Variants in IL7 observed in about 807,000 individuals in gnomAD.
IL7 encodes the protein interleukin 7.
In IL7, 3 loss-of-function variants were observed where a neutral mutation model predicts 21.6. That is an observed-to-expected ratio of 0.14 (90% CI 0.06 to 0.36). The LOEUF (loss-of-function observed/expected upper bound fraction) is 0.36. Ranked by LOEUF, IL7 falls within the 10% of genes least tolerant of loss-of-function variation. IL7 has a pLI of 1.00. For missense variants in IL7, 175 were observed against 200.2 expected (o/e 0.87, Z 0.76); for synonymous variants, 62 against 68.1 (o/e 0.91, Z 0.44).
chr8:78,698,477 C>T (rs779614896), intron 3 of IL7: 3 of 1,612,790 alleles, frequency 1.9e-6, no homozygotes, highest in Non-Finnish European at 1.7e-6. Context: ...CAGACCTTAT[C>T]TCCCTCTCAT....
chr8:78,677,300 A>G (rs1323006932), intron 4 of IL7, among the ~76,000 whole-genome samples: 1 of 152,096 alleles, frequency 6.6e-6, no homozygotes, highest in Non-Finnish European at 1.5e-5. Context: ...GACAGCTTCC[A>G]TTCTAATGTC....
rs1811482429 is a variant in IL7 at position 78,733,651 on chromosome 8, G to A, written c.*62C>T. ...CATTCCACTCTGAAAAACTGCATAAGCAGATAGATTCTTGGAGGATGCAGC... is the reference window on the plus strand; with the variant it reads ...CATTCCACTCTGAAAAACTGCATAAACAGATAGATTCTTGGAGGATGCAGC... On this transcript the variant is annotated 3_prime_UTR_variant, in exon 6 of 6. Coordinates refer to ENST00000263851, the MANE Select transcript of IL7 (RefSeq NM_000880.4). The A allele has an allele frequency of 1.9e-6, 3 of 1,547,600 alleles. No individual in the cohort carries two copies. Among genetic ancestry groups the A allele is most frequent in the South Asian group, 2.4e-5 (2 of 82,718 alleles).
intron 5 of IL7, chr8:78,719,201 TA>T (rs1422320618): frequency 6.7e-6 from 1 of 149,732 alleles, no homozygotes; most frequent in African/African-American, 2.4e-5. Context: ...AAACTTGTTT[TA>T]TCTAATACTG....
chr8:78,723,327 GA>G (rs1811282665), intron 3 of IL7, among the ~76,000 whole-genome samples: 1 of 151,832 alleles, frequency 6.6e-6, no homozygotes, highest in African/African-American at 2.4e-5. Context: ...TAGGGATATA[GA>G]AATAAATCAG....
chr8:78,766,790 T>A (rs1391227196), intron 2 of IL7, among the ~76,000 whole-genome samples: 1 of 152,182 alleles, frequency 6.6e-6, no homozygotes, highest in Admixed American at 6.5e-5. Context: ...ATGTGTTTGT[T>A]ATCTCATTTT....
chr8:78,678,463 T>G (rs987792427), intron 4 of IL7: 1 of 816,460 alleles, frequency 1.2e-6, no homozygotes, highest in Non-Finnish European at 1.9e-6. Context: ...GTTTTTCATT[T>G]GGTCTCAGAT....
chr8:78,688,856 T>C (rs564508167), intron 3 of IL7, among the ~76,000 whole-genome samples: 1 of 152,230 alleles, frequency 6.6e-6, no homozygotes, highest in African/African-American at 2.4e-5. Context: ...GTATTATTAC[T>C]TCCTAACTAG....
At chr8:78,740,832 C>T (rs892907125) in intron 2 of IL7, among the ~76,000 whole-genome samples, 8 of 151,798 alleles carry the variant, frequency 5.3e-5, no homozygotes, top group African/African-American at 1.7e-4. Context: ...GTATTATAAA[C>T]ATAGGAGTGA....
chr8:78,791,346 G>T (rs1354303330), intron 2 of IL7, among the ~76,000 whole-genome samples: 1 of 152,070 alleles, frequency 6.6e-6, no homozygotes, highest in Non-Finnish European at 1.5e-5. Flanking sequence ...GACAATTACA[G>T]AGTTATACTT....
chr8:78,705,215 CA>C (rs1366839924), intron 3 of IL7, among the ~76,000 whole-genome samples: 1 of 152,208 alleles, frequency 6.6e-6, no homozygotes, highest in African/African-American at 2.4e-5. Context: ...TTTAAGTTTT[CA>C]GCATACTTGT....
intron 4 of IL7, among the ~76,000 whole-genome samples, chr8:78,684,510 T>G (rs1585990754): frequency 6.6e-6 from 1 of 152,310 alleles, no homozygotes; most frequent in African/African-American, 2.4e-5. Context: ...GGAGCTACAA[T>G]TCAAGATGAG....
chr8:78,749,252 C>A (rs940436127), intron 2 of IL7, among the ~76,000 whole-genome samples: 1 of 152,084 alleles, frequency 6.6e-6, no homozygotes, highest in African/African-American at 2.4e-5. Context: ...CTAAGTTATA[C>A]TTAGCATTTA....
chr8:78,712,379 T>C (rs1487439681), intron 3 of IL7, among the ~76,000 whole-genome samples: 2 of 152,156 alleles, frequency 1.3e-5, no homozygotes, highest in Non-Finnish European at 2.9e-5. Flanking sequence ...TTAATAATTA[T>C]TTTTATGAAG....
chr8:78,750,483 C>T (rs1213155472), intron 2 of IL7, among the ~76,000 whole-genome samples: 4 of 152,012 alleles, frequency 2.6e-5, no homozygotes, highest in African/African-American at 9.7e-5. Flanking sequence ...ACTAGACTTA[C>T]CTATGGCCAT....
intron 3 of IL7, among the ~76,000 whole-genome samples, chr8:78,696,533 T>C (rs187880067): frequency 6.6e-6 from 1 of 152,310 alleles, no homozygotes; most frequent in East Asian, 1.9e-4. Flanking sequence ...ATCAGTAAGA[T>C]ACTTTTATTG....
chr8:78,725,700 G>A (rs1367452229), intron 3 of IL7, among the ~76,000 whole-genome samples: 3 of 151,868 alleles, frequency 2.0e-5, no homozygotes, highest in Non-Finnish European at 4.4e-5. Flanking sequence ...TAACCCAATC[G>A]TAGTGTTAGA....
rs1812547035 is a variant in IL7 at position 78,761,277 on chromosome 8, T to C, written c.148-21195A>G. 8 of 1,608,982 alleles carry C rather than the reference T, an allele frequency of 5.0e-6. No homozygotes were observed. The East Asian group carries it at 1.8e-4, about 36-fold the overall frequency. On this transcript the variant is annotated intron_variant, in intron 2 of 5. Transcript: ENST00000263851. The stretch of plus-strand genomic sequence containing the variant: ...TGGAAAAAAGAACAAACTTCCTCGA[T>C]TGTTCCTAATGCAACAGATACTCCC...
At chr8:78,780,468 G>A (rs1813291255) in intron 2 of IL7, among the ~76,000 whole-genome samples, 2 of 151,986 alleles carry the variant, frequency 1.3e-5, no homozygotes, top group Admixed American at 1.3e-4. Context: ...TTCCTGACTT[G>A]TGCCTTAAGT....
intron 1 of IL7, 152 bp downstream of exon 1, chr8:78,804,761 C>G (rs1814249185): frequency 3.8e-6 from 3 of 799,190 alleles, no homozygotes; most frequent in Non-Finnish European, 6.0e-6. Context: ...CGGCTGTTGG[C>G]TGCCCATGGG....
Sources: allele counts gnomAD v4.1 joint callset (sites outside exome capture counted in the v4.1 genomes callset), GRCh38; gene constraint gnomAD v4.1.1; transcripts MANE v1.5; gene names NCBI Gene and HGNC (gene_info 2026-07-23, HGNC 2026-07-21).